Variants in RUFY1 observed in about 807,000 individuals in gnomAD.
RUFY1 encodes the protein RUN and FYVE domain containing 1, also known as RUN and FYVE domain-containing protein 1.
A neutral mutation model predicts 94.6 loss-of-function variants in RUFY1; 54 were observed. That is an observed-to-expected ratio of 0.57 (90% CI 0.46 to 0.72). The LOEUF is 0.72. Among genes scored for constraint, RUFY1 ranks in the 30% least tolerant of loss-of-function variants. The probability of loss-of-function intolerance (pLI) is 0.00; values close to 1 mark genes in which losing one functional copy is unlikely to be tolerated. For synonymous variants in RUFY1, 396 were observed against 347.3 expected, an observed-to-expected ratio of 1.14 and a Z score of -1.56; for missense variants, 883 against 883.9, an observed-to-expected ratio of 1.00 and a Z score of 0.01.
intron 6 of RUFY1, among the ~76,000 whole-genome samples, chr5:179,580,723 G>C (rs996014636): frequency 6.6e-6 from 1 of 151,984 alleles, no homozygotes; most frequent in Non-Finnish European, 1.5e-5. Context: ...TGGTCTGCAG[G>C]GAGCCCACTC....
chr5:179,573,179 G>C (rs1229206965), intron 5 of RUFY1, among the ~76,000 whole-genome samples: 1 of 152,098 alleles, frequency 6.6e-6, no homozygotes, highest in African/African-American at 2.4e-5. Context: ...CTAGACTCTG[G>C]TAGTTAAGCG....
At chr5:179,586,533 G>C (rs908729790) in intron 8 of RUFY1, 4 of 437,682 alleles carry the variant, frequency 9.1e-6, no homozygotes, top group Non-Finnish European at 1.8e-5. Flanking sequence ...TCTGAGAGGG[G>C]CTTGAGAAGG....
intron 5 of RUFY1, among the ~76,000 whole-genome samples, chr5:179,569,906 A>G (rs898138240): frequency 1.3e-5 from 2 of 152,078 alleles, no homozygotes; most frequent in Admixed American, 6.5e-5. Flanking sequence ...CACCACGCCC[A>G]GCTAATTTTT....
At position 179,567,298 on chromosome 5, in the gene RUFY1, C is replaced by T. The variant is rs192824561; in HGVS notation, c.603-163C>T. 2.6e-4 allele frequency among the ~76,000 whole-genome samples: 39 copies of T among 152,298 alleles called. 1 individual carries two copies. In the East Asian group the frequency reaches 7.3e-3, roughly 29 times the overall value. On this transcript the variant is annotated intron_variant, in intron 3 of 17. Transcript: ENST00000319449. ...TGTGGTGAGCCATTTTCGCTGCCTGCCCAGGCCATGTGCATCCCTCCCCAA... is the reference window on the plus strand; with the variant it reads ...TGTGGTGAGCCATTTTCGCTGCCTGTCCAGGCCATGTGCATCCCTCCCCAA...
intron 12 of RUFY1, 95 bp from the exon 13 acceptor site, chr5:179,596,467 G>A (rs1477942611): frequency 2.7e-6 from 4 of 1,464,392 alleles, no homozygotes; most frequent in East Asian, 2.3e-5. Context: ...TAATTTTACT[G>A]TATGGTAATT....
chr5:179,594,869 G>T lies in RUFY1; in HGVS notation c.1417G>T (p.Ala473Ser), dbSNP rs914775867. ...AACCCTTCCTTTGCTTTTGTAGAAT[G>T]CAGAGAGCAGTTTGCAGCAGAAGAA... ...NLQMFHKAQN[A>S]ESSLQQKNEA... The change falls in exon 12 of 18, where the codon GCA becomes TCA. Residue 473 changes from alanine to serine, a missense_variant. Ala to Ser is a moderately conservative substitution (Grantham distance 99). Coordinates refer to ENST00000319449, the MANE Select transcript of RUFY1 (RefSeq NM_025158.5). 4 of 1,609,086 alleles carry T rather than the reference G, an allele frequency of 2.5e-6. No homozygotes were observed. The highest frequency in any genetic ancestry group is 1.7e-4 in the Middle Eastern group (1 of 6,038).
At chr5:179,554,860 C>A (rs1011037619) in intron 1 of RUFY1, among the ~76,000 whole-genome samples, 1 of 151,438 alleles carries the variant, frequency 6.6e-6, no homozygotes, top group South Asian at 2.1e-4. Context: ...CCCAGCTGCT[C>A]GGGAGGCTGA....
In RUFY1 at chr5:179,560,208, A is replaced by G; in HGVS notation, c.484+10A>G. On this transcript the variant is annotated intron_variant, in intron 2 of 17. Coordinates refer to ENST00000319449, the MANE Select transcript of RUFY1 (RefSeq NM_025158.5). ...AAACATGGGCTGAAAGGTGAGCCTG[A>G]GGGGGCGTTTGGGAGCGTGGAAGTT... 6.2e-7 allele frequency: 1 copy of G among 1,609,546 alleles called. No homozygotes were observed. Among genetic ancestry groups the G allele is most frequent in the Admixed American group, 1.7e-5 (1 of 59,758 alleles).
At chr5:179,586,064 G>A (rs766372283) in intron 8 of RUFY1, among the ~76,000 whole-genome samples, 199 bp downstream of exon 8, 15 of 152,144 alleles carry the variant, frequency 9.9e-5, no homozygotes, top group South Asian at 2.1e-4. Context: ...AGCGGATCAC[G>A]AGCCAGTTCT....
chr5:179,589,844 C>G (rs769947459), intron 9 of RUFY1, among the ~76,000 whole-genome samples, 197 bp downstream of exon 9: 20 of 152,236 alleles, frequency 1.3e-4, no homozygotes, highest in Admixed American at 5.9e-4. Flanking sequence ...GGACTCCCTT[C>G]ATGGCCTGTG....
At chr5:179,580,925 C>G (rs774750777) in intron 6 of RUFY1, 22 bp from the exon 7 acceptor site, 4 of 1,477,434 alleles carry the variant, frequency 2.7e-6, no homozygotes, top group Non-Finnish European at 2.8e-6. Flanking sequence ...AAAGTTCTTC[C>G]TTCTTATGCT....
chr5:179,605,778 G>A (rs1454508708), intron 15 of RUFY1, 98 bp from the exon 16 acceptor site: 13 of 822,740 alleles, frequency 1.6e-5, no homozygotes, highest in African/African-American at 8.4e-5. Context: ...TCACAAGTCC[G>A]GTATCCTCAC....
intron 1 of RUFY1, among the ~76,000 whole-genome samples, chr5:179,558,298 C>T (rs990911395): frequency 1.3e-5 from 2 of 152,134 alleles, no homozygotes; most frequent in African/African-American, 4.8e-5. Flanking sequence ...ACTGGCCAGA[C>T]ATGGTGGCTC....
chr5:179,596,316 C>A, intron 12 of RUFY1: 4 of 582,440 alleles, frequency 6.9e-6, no homozygotes, highest in Non-Finnish European at 1.2e-5. Context: ...AGATTACATT[C>A]TCAAAAAGCC....
chr5:179,598,599 A>G, intron 13 of RUFY1, 93 bp from the exon 14 acceptor site: 1 of 1,453,392 alleles, frequency 6.9e-7, no homozygotes, highest in Admixed American at 1.8e-5. Flanking sequence ...GGCAATTCAG[A>G]GACTTCCCTG....
At chr5:179,596,372 G>A in intron 12 of RUFY1, 190 bp from the exon 13 acceptor site, 1 of 732,168 alleles carries the variant, frequency 1.4e-6, no homozygotes, top group African/African-American at 1.7e-5. Context: ...CAGGGGCTGA[G>A]GTGGGGAGTT....
chr5:179,601,861 G>C, intron 14 of RUFY1, 31 bp from the exon 15 acceptor site: 2 of 1,086,678 alleles, frequency 1.8e-6, no homozygotes, highest in Admixed American at 1.7e-5. Context: ...GTAATCCTCT[G>C]TCCAGCATCT....
At chr5:179,556,037 T>C (rs948252538) in intron 1 of RUFY1, among the ~76,000 whole-genome samples, 15 of 152,218 alleles carry the variant, frequency 9.9e-5, no homozygotes, top group African/African-American at 3.4e-4. Flanking sequence ...AGATTATTCA[T>C]CATATTTTAA....
In RUFY1 at chr5:179,586,533, G is replaced by T; in HGVS notation, c.1026+668G>T. The T allele has an allele frequency of 6.9e-6, 3 of 437,800 alleles. No homozygotes were observed. The Admixed American group carries it at 7.6e-5, about 11-fold the overall frequency. The allele number at this position is 437,800 out of a possible 1,614,324, so 27.1% of individuals were successfully genotyped here. A position where few individuals can be genotyped will look rare whatever the true frequency, so the allele number is the denominator to read the frequency against. Reference sequence around the variant, plus strand: ...TAGAAGGACAAGGGCTCTGAGAGGGGCTTGAGAAGGAACACCTCCACGGCA... The same window carrying T: ...TAGAAGGACAAGGGCTCTGAGAGGGTCTTGAGAAGGAACACCTCCACGGCA... On this transcript the variant is annotated intron_variant, in intron 8 of 17. Transcript: ENST00000319449.
Sources: allele counts gnomAD v4.1 joint callset (sites outside exome capture counted in the v4.1 genomes callset), GRCh38; gene constraint gnomAD v4.1.1; transcripts MANE v1.5; gene names NCBI Gene and HGNC (gene_info 2026-07-23, HGNC 2026-07-21).